Variants in KLHL1 observed in about 807,000 individuals in gnomAD.
The protein encoded by KLHL1 is kelch-like protein 1.
Under a neutral mutation model 77.7 loss-of-function variants are expected in KLHL1, and 47 were observed. The observed-to-expected ratio is 0.60, with a 90% CI of 0.48 to 0.77. The LOEUF (loss-of-function observed/expected upper bound fraction) is 0.77. Among genes scored for constraint, KLHL1 ranks in the 30% least tolerant of loss-of-function variants. The pLI, the probability that KLHL1 is intolerant of heterozygous loss-of-function variation, is 0.00. For missense variants in KLHL1, 925 were observed against 910.8 expected (o/e 1.02, Z -0.20); for synonymous variants, 360 against 325.2 (o/e 1.11, Z -1.15).
At chr13:70,012,901 T>TAA (rs5804457) in intron 1 of KLHL1, among the ~76,000 whole-genome samples, 61,609 of 150,030 alleles carry the variant, frequency 0.41, 14,207 homozygotes, top group Non-Finnish European at 0.52. Flanking sequence ...AGATTCTGTA[T>TAA]AAAAAAAATA....
rs771916433 is a variant in KLHL1, at chr13:69,796,728, A to C, written c.1639+10T>G. Reference sequence around the variant, plus strand: ...TTTCTAAAAGTAATATCAATAAAGTAAGATCTTACCTAGACCATGTCTGTG... The same window carrying C: ...TTTCTAAAAGTAATATCAATAAAGTCAGATCTTACCTAGACCATGTCTGTG... On this transcript the variant is annotated intron_variant, in intron 7 of 10. Coordinates refer to ENST00000377844, the MANE Select transcript of KLHL1 (RefSeq NM_020866.3). 1 of 1,570,254 alleles carries C rather than the reference A, an allele frequency of 6.4e-7. No homozygotes were observed. The highest frequency in any genetic ancestry group is 1.1e-5 in the South Asian group (1 of 89,952).
At chr13:70,074,753 A>G (rs1442670177) in intron 1 of KLHL1, among the ~76,000 whole-genome samples, 3 of 151,628 alleles carry the variant, frequency 2.0e-5, no homozygotes, top group Non-Finnish European at 4.4e-5. Flanking sequence ...AGAAAAAAAA[A>G]AAATTATGCT....
intron 1 of KLHL1, among the ~76,000 whole-genome samples, chr13:70,048,452 TACA>T (rs964144477): frequency 2.0e-5 from 3 of 152,222 alleles, no homozygotes; most frequent in Admixed American, 2.0e-4. Flanking sequence ...TATAGGTAGA[TACA>T]ACATCAACTT....
chr13:70,014,287 A>C (rs1361828738), intron 1 of KLHL1, among the ~76,000 whole-genome samples: 1 of 152,098 alleles, frequency 6.6e-6, no homozygotes, highest in Non-Finnish European at 1.5e-5. Context: ...AGCATTTCAC[A>C]GTAAGAAAAG....
At position 69,742,387 on chromosome 13, in the gene KLHL1, A is replaced by G. The variant is rs145918968; in HGVS notation, c.1640-1831T>C. On this transcript the variant is annotated intron_variant, in intron 7 of 10. Coordinates refer to ENST00000377844, the MANE Select transcript of KLHL1 (RefSeq NM_020866.3). ...GACACTCAGTAACTTGACTTTAAAG[A>G]TGTGCAGAAATATGAGAGACCCATG... Among the ~76,000 whole-genome samples the G allele has an allele frequency of 1.8e-3, 275 of 152,296 alleles. 1 individual carries two copies. The highest frequency in any genetic ancestry group is 6.1e-3 in the African/African-American group (254 of 41,568).
intron 1 of KLHL1, among the ~76,000 whole-genome samples, chr13:70,041,320 G>A (rs575358436): frequency 6.6e-6 from 1 of 152,162 alleles, no homozygotes; most frequent in African/African-American, 2.4e-5. Flanking sequence ...TTGCAACCCA[G>A]GTGTTATAAA....
chr13:69,983,421 G>A (rs1244077442), intron 1 of KLHL1, among the ~76,000 whole-genome samples: 2 of 151,822 alleles, frequency 1.3e-5, no homozygotes, highest in African/African-American at 2.4e-5. Flanking sequence ...AAGTAAACTA[G>A]CTGGAGGCAT....
At chr13:69,752,866 A>G (rs1028401730) in intron 7 of KLHL1, among the ~76,000 whole-genome samples, 1 of 152,204 alleles carries the variant, frequency 6.6e-6, no homozygotes, top group African/African-American at 2.4e-5. Context: ...GTGCTCACTC[A>G]TAACTGAATA....
At chr13:70,013,480 G>GTAAC (rs1555290474) in intron 1 of KLHL1, among the ~76,000 whole-genome samples, 2 of 152,196 alleles carry the variant, frequency 1.3e-5, no homozygotes, top group East Asian at 3.9e-4. Flanking sequence ...AGGTGATAGT[G>GTAAC]TAACAGTAGG....
chr13:70,084,116 T>G (rs1329122637), intron 1 of KLHL1, among the ~76,000 whole-genome samples: 1 of 152,164 alleles, frequency 6.6e-6, no homozygotes, highest in African/African-American at 2.4e-5. Flanking sequence ...ATTTAAAGTC[T>G]AGTGCAACAT....
At chr13:70,034,677 G>T (rs781479741) in intron 1 of KLHL1, among the ~76,000 whole-genome samples, 1 of 152,284 alleles carries the variant, frequency 6.6e-6, no homozygotes, top group East Asian at 1.9e-4. Flanking sequence ...GAGGGGAAGA[G>T]GTGCATGTGT....
intron 4 of KLHL1, among the ~76,000 whole-genome samples, chr13:69,884,937 T>TTC (rs76722439): frequency 6.3e-5 from 8 of 126,480 alleles, no homozygotes; most frequent in South Asian, 5.1e-4. Flanking sequence ...TTCTTTTCTT[T>TTC]TTTTTTTTTT....
At chr13:69,890,887 T>G (rs1881404256) in intron 4 of KLHL1, among the ~76,000 whole-genome samples, 1 of 152,056 alleles carries the variant, frequency 6.6e-6, no homozygotes. Context: ...TTTGCATACA[T>G]TTTAATCTTA....
rs537242076 is a variant in KLHL1 at position 69,702,076 on chromosome 13, C to A, written c.2188-315G>T. Among the ~76,000 whole-genome samples the A allele has an allele frequency of 5.6e-3, 850 of 151,734 alleles. 6 individuals are homozygous for A. The highest frequency in any genetic ancestry group is 0.02 in the African/African-American group (813 of 41,500). ...AGCTCTATTCTGGAGTTTGCATGGA[C>A]ACATTTGTGATAATATTTCATAGTG... On this transcript the variant is annotated intron_variant, in intron 10 of 10. Transcript: ENST00000377844.
In KLHL1 at chr13:69,868,951, A is replaced by T. The variant is rs56219140; in HGVS notation, c.1227+13332T>A. Among the ~76,000 whole-genome samples the T allele has an allele frequency of 6.8e-3, 1,032 of 152,254 alleles. 15 individuals are homozygous for T. Among genetic ancestry groups the T allele is most frequent in the African/African-American group, 0.024 (983 of 41,570 alleles). ...ATCCATGAAAGTAAGGAGGGTACAC[A>T]GTTCAGTATGGCATCACGTAGTAAT... On this transcript the variant is annotated intron_variant, in intron 5 of 10. Transcript: ENST00000377844.
intron 6 of KLHL1, 110 bp downstream of exon 6, chr13:69,838,866 A>G: frequency 1.6e-6 from 1 of 608,072 alleles, no homozygotes; most frequent in Non-Finnish European, 2.6e-6. Flanking sequence ...TTAAATTACA[A>G]TAATTAAAGC....
At chr13:69,774,663 TA>T (rs981133470) in intron 7 of KLHL1, among the ~76,000 whole-genome samples, 9 of 140,708 alleles carry the variant, frequency 6.4e-5, no homozygotes, top group South Asian at 2.4e-4. Context: ...CTTCACTTAA[TA>T]AAAAAAAACA....
chr13:69,978,936 A>G (rs1375409713), intron 1 of KLHL1, among the ~76,000 whole-genome samples: 1 of 152,128 alleles, frequency 6.6e-6, no homozygotes, highest in African/African-American at 2.4e-5. Context: ...AGAAAGAAAT[A>G]GAAAAGAAAG....
intron 6 of KLHL1, among the ~76,000 whole-genome samples, chr13:69,825,080 T>A (rs1878492094): frequency 6.6e-6 from 1 of 152,168 alleles, no homozygotes; most frequent in Non-Finnish European, 1.5e-5. Flanking sequence ...AGTAACGATA[T>A]CACTTAGATG....
Sources: allele counts gnomAD v4.1 joint callset (sites outside exome capture counted in the v4.1 genomes callset), GRCh38; gene constraint gnomAD v4.1.1; transcripts MANE v1.5; gene names NCBI Gene and HGNC (gene_info 2026-07-23, HGNC 2026-07-21).